The following PBX3 variants were observed in gnomAD, a reference collection of about 807,000 sequenced individuals.
PBX3 encodes pre-B-cell leukemia transcription factor 3.
A neutral mutation model predicts 48.5 loss-of-function variants in PBX3; 14 were observed. That is an observed-to-expected ratio of 0.29 (90% CI 0.19 to 0.45). PBX3 has a LOEUF of 0.45. Among genes scored for constraint, PBX3 ranks in the 20% least tolerant of loss-of-function variants. The pLI, the probability that PBX3 is intolerant of heterozygous loss-of-function variation, is 1.00. For synonymous variants in PBX3, 210 were observed against 200.3 expected (o/e 1.05, Z -0.41); for missense variants, 386 against 546.7 (o/e 0.71, Z 2.93).
intron 4 of PBX3, among the ~76,000 whole-genome samples, chr9:125,930,834 C>T (rs981122379): frequency 6.6e-6 from 1 of 152,172 alleles, no homozygotes; most frequent in Admixed American, 6.5e-5. Flanking sequence ...ATAACATCAC[C>T]GTGCTACCAT....
chr9:125,962,172 T>A lies in PBX3; in HGVS notation c.1080T>A (p.Asp360Glu). 6.2e-7 allele frequency: 1 copy of A among 1,613,052 alleles called. No individual in the cohort carries two copies. The highest frequency in any genetic ancestry group is 8.5e-7 in the Non-Finnish European group (1 of 1,179,028). The change falls in exon 7 of 9, where the codon GAT becomes GAA. Residue 360 changes from aspartate to glutamate, a missense_variant. Coordinates refer to ENST00000373489, the MANE Select transcript of PBX3 (RefSeq NM_006195.6). The part of the protein sequence containing the change: ...MFMNMQSLNG[D>E]SYQGSQVGAN... ...TGAACATGCAGAGTCTGAATGGGGATTCTTACCAAGGGTCCCAAGTCGGAG... is the reference window on the plus strand; with the variant it reads ...TGAACATGCAGAGTCTGAATGGGGAATCTTACCAAGGGTCCCAAGTCGGAG...
intron 2 of PBX3, among the ~76,000 whole-genome samples, chr9:125,814,945 G>A (rs1838414269): frequency 6.6e-6 from 1 of 152,150 alleles, no homozygotes; most frequent in Non-Finnish European, 1.5e-5. Flanking sequence ...TCAGCCTGAA[G>A]GATTAGGGAA....
At chr9:125,856,518 C>T (rs74675390) in intron 2 of PBX3, among the ~76,000 whole-genome samples, 152 of 152,174 alleles carry the variant, frequency 1.0e-3, no homozygotes, top group African/African-American at 3.2e-3. Flanking sequence ...GCTAACGGAG[C>T]GGCGCCTCGG....
chr9:125,787,317 CT>C (rs900216533), intron 2 of PBX3, among the ~76,000 whole-genome samples: 23 of 147,402 alleles, frequency 1.6e-4, no homozygotes, highest in South Asian at 2.1e-4. Context: ...CATGGATTAA[CT>C]TTTTTTTTTT....
At chr9:125,804,967 G>GAAGAAGAA (rs1838079383) in intron 2 of PBX3, among the ~76,000 whole-genome samples, 1 of 66,442 alleles carries the variant, frequency 1.5e-5, no homozygotes, top group East Asian at 4.1e-4. Context: ...AAAAAAAAAA[G>GAAGAAGAA]AAGAAGAAGA....
intron 2 of PBX3, among the ~76,000 whole-genome samples, chr9:125,787,792 G>T (rs1837496664): frequency 6.6e-6 from 1 of 152,196 alleles, no homozygotes; most frequent in Non-Finnish European, 1.5e-5. Flanking sequence ...GTGACTGGCG[G>T]AGTAAAAGAC....
intron 3 of PBX3, among the ~76,000 whole-genome samples, chr9:125,916,138 T>A (rs1250871777): frequency 6.6e-6 from 1 of 152,210 alleles, no homozygotes; most frequent in African/African-American, 2.4e-5. Context: ...TTTTATCCCA[T>A]CTACTTGTTT....
intron 2 of PBX3, among the ~76,000 whole-genome samples, chr9:125,797,648 C>T (rs773831548): frequency 6.6e-6 from 1 of 152,084 alleles, no homozygotes; most frequent in Non-Finnish European, 1.5e-5. Flanking sequence ...ACATGTACAT[C>T]ATTTCATATA....
At chr9:125,963,965 T>C (rs1842481675) in intron 8 of PBX3, among the ~76,000 whole-genome samples, 1 of 152,356 alleles carries the variant, frequency 6.6e-6, no homozygotes, top group African/African-American at 2.4e-5. Flanking sequence ...TTTGGGCTTA[T>C]AAATAACTCA....
At chr9:125,791,676 C>T (rs1261418634) in intron 2 of PBX3, among the ~76,000 whole-genome samples, 1 of 152,142 alleles carries the variant, frequency 6.6e-6, no homozygotes, top group East Asian at 1.9e-4. Flanking sequence ...TGGCTCACGC[C>T]TGTAATCCCA....
chr9:125,808,684 C>T (rs1274734401), intron 2 of PBX3, among the ~76,000 whole-genome samples: 1 of 152,008 alleles, frequency 6.6e-6, no homozygotes, highest in Non-Finnish European at 1.5e-5. Context: ...ATAAAAAATA[C>T]AGTCACTGTA....
At chr9:125,747,742 G>C in intron 1 of PBX3, 89 bp downstream of exon 1, 1 of 982,050 alleles carries the variant, frequency 1.0e-6, no homozygotes, top group South Asian at 2.2e-5. Flanking sequence ...CCCGGGGCTA[G>C]GGCCGCAGCC....
intron 2 of PBX3, among the ~76,000 whole-genome samples, chr9:125,754,232 T>C (rs1206067219): frequency 6.6e-6 from 1 of 152,130 alleles, no homozygotes; most frequent in Non-Finnish European, 1.5e-5. Flanking sequence ...TTCTCAGCAG[T>C]CTTGTGTTTT....
intron 5 of PBX3, among the ~76,000 whole-genome samples, chr9:125,939,304 T>TC (rs1841908674): frequency 6.6e-6 from 1 of 151,208 alleles, no homozygotes; most frequent in Non-Finnish European, 1.5e-5. Flanking sequence ...GGCAAAAGAG[T>TC]CAAACAAGGA....
At chr9:125,863,195 G>A (rs1458901632) in intron 2 of PBX3, among the ~76,000 whole-genome samples, 1 of 150,954 alleles carries the variant, frequency 6.6e-6, no homozygotes, top group Non-Finnish European at 1.5e-5. Context: ...ACTGTGCCTG[G>A]CTGACACATG....
chr9:125,791,777 T>C (rs1257339869), intron 2 of PBX3, among the ~76,000 whole-genome samples: 2 of 150,618 alleles, frequency 1.3e-5, no homozygotes, highest in Admixed American at 6.6e-5. Flanking sequence ...CTACTGAAAA[T>C]AGAAAAAAAT....
intron 2 of PBX3, among the ~76,000 whole-genome samples, chr9:125,898,533 T>C (rs1244429986): frequency 6.6e-6 from 1 of 151,738 alleles, no homozygotes; most frequent in African/African-American, 2.4e-5. Flanking sequence ...TTTGTGGTTA[T>C]AATGTCAGAG....
At chr9:125,869,420 C>T (rs928200022) in intron 2 of PBX3, among the ~76,000 whole-genome samples, 5 of 152,072 alleles carry the variant, frequency 3.3e-5, no homozygotes, top group African/African-American at 9.7e-5. Context: ...ATAGGTAGCT[C>T]GGTGAATTCT....
intron 5 of PBX3, among the ~76,000 whole-genome samples, chr9:125,953,570 A>G (rs988163021): frequency 4.6e-5 from 7 of 152,212 alleles, no homozygotes; most frequent in African/African-American, 9.7e-5. Flanking sequence ...GGCAAAGGGT[A>G]TGCTAATGTT....
Sources: allele counts gnomAD v4.1 joint callset (sites outside exome capture counted in the v4.1 genomes callset), GRCh38; gene constraint gnomAD v4.1.1; transcripts MANE v1.5; gene names NCBI Gene and HGNC (gene_info 2026-07-23, HGNC 2026-07-21).